FUT8: variants seen among roughly 807,000 people sequenced by gnomAD.
FUT8 encodes fucosyltransferase 8.
FUT8 carries 29 observed loss-of-function variants against 71.3 expected under a neutral mutation model. The ratio of observed to expected loss-of-function variants is 0.41; its 90% CI spans 0.30 to 0.55. The LOEUF (loss-of-function observed/expected upper bound fraction) is 0.55, where lower values mean the gene tolerates loss of function less well. FUT8 is among the 20% of genes least tolerant of loss of function. The pLI, the probability that FUT8 is intolerant of heterozygous loss-of-function variation, is 0.34. For synonymous variants in FUT8, 254 were observed against 239.3 expected, an observed-to-expected ratio of 1.06 and a Z score of -0.57; for missense variants, 544 against 702.1, an observed-to-expected ratio of 0.77 and a Z score of 2.55.
In FUT8 at chr14:65,603,552, T is replaced by A. The variant is rs1888419388; in HGVS notation, c.204-12426T>A. Among the ~76,000 whole-genome samples, 1 of 151,798 alleles carries A rather than the reference T, an allele frequency of 6.6e-6. No homozygotes were observed. The highest frequency in any genetic ancestry group is 2.4e-5 in the African/African-American group (1 of 41,372). On this transcript the variant is annotated intron_variant, in intron 3 of 10. Transcript: ENST00000673929. The surrounding 1 kb of genome is among the most constrained non-coding windows in gnomAD (Gnocchi z 4.5). Reference sequence around the variant, plus strand: ...TATTTTGATGGGGATTGCATTGAATTTGTAGATTTGGCGGTATGGCAATTT... The same window carrying A: ...TATTTTGATGGGGATTGCATTGAATATGTAGATTTGGCGGTATGGCAATTT...
At chr14:65,715,975 A>AG in intron 7 of FUT8, among the ~76,000 whole-genome samples, 1 of 41,310 alleles carries the variant, frequency 2.4e-5, no homozygotes, top group Non-Finnish European at 8.1e-5. Context: ...ACCCTCTCTC[A>AG]AAAAAAAAAA....
At chr14:65,423,758 G>A (rs762416109) in intron 1 of FUT8, among the ~76,000 whole-genome samples, 31 of 152,132 alleles carry the variant, frequency 2.0e-4, no homozygotes, top group Admixed American at 1.2e-3. Context: ...TAATGACTTT[G>A]CTTTTTCTTG....
chr14:65,454,343 C>T (rs1301700208), intron 1 of FUT8, among the ~76,000 whole-genome samples: 1 of 151,980 alleles, frequency 6.6e-6, no homozygotes, highest in African/African-American at 2.4e-5. Flanking sequence ...AAGCATTATA[C>T]AGGCTGGGCA....
intron 1 of FUT8, among the ~76,000 whole-genome samples, chr14:65,422,723 G>C (rs1466715803): frequency 1.3e-5 from 2 of 152,000 alleles, no homozygotes; most frequent in Non-Finnish European, 2.9e-5. Flanking sequence ...GCCCAGTCTG[G>C]TCTTAAACTC....
intron 7 of FUT8, among the ~76,000 whole-genome samples, chr14:65,703,036 C>G (rs60907454): frequency 1.3e-5 from 2 of 152,160 alleles, no homozygotes; most frequent in Non-Finnish European, 2.9e-5. Flanking sequence ...TTAGCCACTG[C>G]GCCCGGCCTA....
At chr14:65,436,086 A>G (rs1411438120) in intron 1 of FUT8, among the ~76,000 whole-genome samples, 1 of 151,810 alleles carries the variant, frequency 6.6e-6, no homozygotes, top group Non-Finnish European at 1.5e-5. Context: ...GTGTGCCACC[A>G]TGTCTGGCTA....
chr14:65,418,025 C>G (rs1046706043), intron 1 of FUT8, among the ~76,000 whole-genome samples: 20 of 152,048 alleles, frequency 1.3e-4, no homozygotes, highest in Admixed American at 7.2e-4. Flanking sequence ...TGATAATAAT[C>G]TTAGATGAAA....
In FUT8 at chr14:65,472,573, A is replaced by C. The variant is rs2066164317; in HGVS notation, c.-228+16855A>C. The stretch of plus-strand genomic sequence containing the variant: ...TATATTCTTATACTGTAAAAAAAAA[A>C]ACAACTTTATTTTTATAGCCTTTTT... On this transcript the variant is annotated intron_variant, in intron 2 of 10. Transcript: ENST00000673929. The surrounding 1 kb of genome is among the most constrained non-coding windows in gnomAD (Gnocchi z 4.4). 6.6e-6 allele frequency among the ~76,000 whole-genome samples: 1 copy of C among 152,176 alleles called. No homozygotes were observed. Among genetic ancestry groups the C allele is most frequent in the African/African-American group, 2.4e-5 (1 of 41,442 alleles).
intron 1 of FUT8, among the ~76,000 whole-genome samples, chr14:65,441,320 A>T (rs1438710310): frequency 6.6e-6 from 1 of 152,238 alleles, no homozygotes; most frequent in African/African-American, 2.4e-5. Context: ...ACCTTAGAAT[A>T]GTGACCATTT....
intron 2 of FUT8, among the ~76,000 whole-genome samples, chr14:65,461,974 A>AAACCAC: frequency 6.6e-6 from 1 of 152,184 alleles, no homozygotes; most frequent in Non-Finnish European, 1.5e-5. Flanking sequence ...CAGTTCTTTG[A>AAACCAC]TACTTTTTGT....
intron 2 of FUT8, chr14:65,528,774 G>A (rs922885773): frequency 1.6e-4 from 25 of 152,082 alleles, no homozygotes; most frequent in African/African-American, 5.6e-4. Context: ...TAACTTAAGG[G>A]AAACTGAAGT....
the FUT8 span, among the ~76,000 whole-genome samples, chr14:65,363,984 A>T: frequency 6.6e-6 from 1 of 152,302 alleles, no homozygotes; most frequent in South Asian, 2.1e-4. Flanking sequence ...GGGTCATTTT[A>T]CATGTGCTCC....
chr14:65,370,796 C>T, the FUT8 span, among the ~76,000 whole-genome samples: 3 of 152,104 alleles, frequency 2.0e-5, no homozygotes, highest in African/African-American at 7.2e-5. Flanking sequence ...CGTTTATTAA[C>T]ATGTGCAGCA....
chr14:65,545,804 A>G (rs1179083527), intron 2 of FUT8, among the ~76,000 whole-genome samples: 1 of 151,776 alleles, frequency 6.6e-6, no homozygotes, highest in Non-Finnish European at 1.5e-5. Context: ...TGTTAATTAT[A>G]TTACTAGTTA....
intron 7 of FUT8, among the ~76,000 whole-genome samples, chr14:65,678,618 A>G (rs571189101): frequency 1.7e-4 from 26 of 152,328 alleles, no homozygotes; most frequent in African/African-American, 6.3e-4. Context: ...TCTAATATGT[A>G]TATAATACTA....
intron 6 of FUT8, among the ~76,000 whole-genome samples, chr14:65,633,969 G>A (rs535279114): frequency 2.3e-4 from 35 of 149,852 alleles, no homozygotes; most frequent in Non-Finnish European, 4.1e-4. Flanking sequence ...CCGGCTAGCC[G>A]CCCCATCCGG....
intron 2 of FUT8, among the ~76,000 whole-genome samples, chr14:65,553,571 A>G (rs1885411287): frequency 6.6e-6 from 1 of 151,566 alleles, no homozygotes; most frequent in African/African-American, 2.4e-5. Flanking sequence ...TTCATTTAAC[A>G]TTTTTTATAG....
chr14:65,659,586 G>A (rs865955248), intron 6 of FUT8, among the ~76,000 whole-genome samples: 12 of 152,096 alleles, frequency 7.9e-5, no homozygotes, highest in Non-Finnish European at 1.2e-4. Context: ...CCAAAAGGCC[G>A]AGAACTGATA....
At chr14:65,503,319 C>T (rs748873448) in intron 2 of FUT8, among the ~76,000 whole-genome samples, 1 of 152,152 alleles carries the variant, frequency 6.6e-6, no homozygotes, top group Non-Finnish European at 1.5e-5. Flanking sequence ...CATCAGATAA[C>T]TTGCTTTCAT....
Sources: allele counts gnomAD v4.1 joint callset (sites outside exome capture counted in the v4.1 genomes callset), GRCh38; gene constraint gnomAD v4.1.1; non-coding constraint Gnocchi (gnomAD v3.1); transcripts MANE v1.5; gene names NCBI Gene and HGNC (gene_info 2026-07-23, HGNC 2026-07-21).